The following SOCS7 variants were observed in gnomAD, a reference collection of about 807,000 sequenced individuals.
SOCS7 encodes the protein suppressor of cytokine signaling 7, also known as NAP-4.
A neutral mutation model predicts 58.9 loss-of-function variants in SOCS7; 18 were observed. The observed-to-expected ratio is 0.31, with a 90% CI of 0.21 to 0.45. The LOEUF (loss-of-function observed/expected upper bound fraction) is 0.45. Ranked by LOEUF, SOCS7 falls within the 20% of genes least tolerant of loss-of-function variation. The probability of loss-of-function intolerance (pLI) is 1.00; values close to 1 mark genes in which losing one functional copy is unlikely to be tolerated. For missense variants in SOCS7, 667 were observed against 837.3 expected (o/e 0.80, Z 2.51); for synonymous variants, 388 against 364.3 (o/e 1.06, Z -0.74).
At position 38,401,639 on chromosome 17, in the gene SOCS7, T is replaced by C. The variant is rs1174765595; in HGVS notation, c.*2157T>C. On this transcript the variant is annotated 3_prime_UTR_variant, in exon 10 of 10. Transcript: ENST00000612932. ...ATCAAGGACTATCTAAAGACGTTTA[T>C]AGTAGATAAGATCAGGGTAGACCAG... The C allele has an allele frequency of 6.6e-6, 1 of 152,094 alleles. No individual in the cohort carries two copies. The highest frequency in any genetic ancestry group is 1.5e-5 in the Non-Finnish European group (1 of 68,030). The allele number at this position is 152,094 out of a possible 1,614,324, so 9.4% of individuals were successfully genotyped here.
chr17:38,366,470 C>A, intron 5 of SOCS7, 53 bp downstream of exon 5: 1 of 1,597,844 alleles, frequency 6.3e-7, no homozygotes, highest in Middle Eastern at 1.7e-4. Flanking sequence ...TAGCTAAATT[C>A]TGTATTCGGA....
At position 38,352,319 on chromosome 17, in the gene SOCS7, A is replaced by C; in HGVS notation, c.267A>C (p.Glu89Asp). ...CGGCCCCGGAGCCGGGACCCTCGGA[A>C]CTGCTGTGTCCCCGGCACCGCTGTG... ...VEAAPEPGPS[E>D]LLCPRHRCAL... The change falls in exon 1 of 10, where the codon GAA becomes GAC. Residue 89 changes from glutamate (E) to aspartate (D), a missense_variant. Glu to Asp is a conservative substitution (Grantham distance 45, BLOSUM62 2). Coordinates refer to ENST00000612932, the MANE Select transcript of SOCS7 (RefSeq NM_014598.4). The surrounding 1 kb of genome is among the most constrained non-coding windows in gnomAD (Gnocchi z 5.5). The C allele has an allele frequency of 6.7e-7, 1 of 1,486,120 alleles. No individual in the cohort carries two copies. The highest frequency in any genetic ancestry group is 1.3e-5 in the South Asian group (1 of 77,942). 92.1% of individuals were successfully genotyped at this position (1,486,120 alleles called of 1,614,324 possible).
intron 2 of SOCS7, among the ~76,000 whole-genome samples, chr17:38,362,573 A>G (rs587619766): frequency 6.6e-6 from 1 of 152,216 alleles, no homozygotes; most frequent in Non-Finnish European, 1.5e-5. Context: ...ATGTCCCTCA[A>G]AAAGGTGATT....
intron 7 of SOCS7, among the ~76,000 whole-genome samples, chr17:38,385,726 G>A (rs1404612799): frequency 6.6e-6 from 1 of 151,972 alleles, no homozygotes; most frequent in Non-Finnish European, 1.5e-5. Flanking sequence ...TTAATCTGTG[G>A]CTTTTTCTTT....
intron 2 of SOCS7, among the ~76,000 whole-genome samples, chr17:38,364,322 A>C (rs2037758577): frequency 6.6e-6 from 1 of 152,208 alleles, no homozygotes; most frequent in South Asian, 2.1e-4. Context: ...TACAGTTCTT[A>C]GGTTTTCTGG....
At position 38,395,901 on chromosome 17, in the gene SOCS7, T is replaced by C; in HGVS notation, c.1871T>C (p.Val624Ala). The C allele has an allele frequency of 6.2e-7, 1 of 1,612,022 alleles. No individual in the cohort carries two copies. The highest frequency in any genetic ancestry group is 2.2e-5 in the East Asian group (1 of 44,852). Residue 624 changes from valine (V) to alanine (A), a missense_variant, in exon 9 of 10, where the codon GTA becomes GCA. Val to Ala is a moderately conservative substitution (Grantham distance 64). Around this residue, in one of 9 missense-constraint regions of SOCS7, gnomAD observed 40 missense variants for 45.6 expected, o/e 0.88. Transcript: ENST00000612932. ...TACTACTATGATCCTCAGGAAGAGGTATACCTGTCTCTAAAGGAAGCGCAG... is the reference window on the plus strand; with the variant it reads ...TACTACTATGATCCTCAGGAAGAGGCATACCTGTCTCTAAAGGAAGCGCAG... Reference protein sequence around the residue: ...KFYYYDPQEEVYLSLKEAQLI... With the variant: ...KFYYYDPQEEAYLSLKEAQLI...
chr17:38,384,982 C>T lies in SOCS7; in HGVS notation c.1681+7140C>T, dbSNP rs145928268. 3.6e-3 allele frequency among the ~76,000 whole-genome samples: 541 copies of T among 150,322 alleles called. 2 individuals are homozygous for T. Among genetic ancestry groups the T allele is most frequent in the African/African-American group, 0.013 (510 of 40,734 alleles). On this transcript the variant is annotated intron_variant, in intron 7 of 9. Transcript: ENST00000612932. Reference sequence around the variant, plus strand: ...CGCAATCTCAGCTCACTGCAACCTCCGCCTTCCGGTTTTGAGCAATTCTCC... The same window carrying T: ...CGCAATCTCAGCTCACTGCAACCTCTGCCTTCCGGTTTTGAGCAATTCTCC...
chr17:38,368,079 T>TC (rs1272753159), intron 6 of SOCS7, 29 bp downstream of exon 6: 19 of 1,556,052 alleles, frequency 1.2e-5, no homozygotes, highest in Non-Finnish European at 1.6e-5. Flanking sequence ...AGAGGCTTCT[T>TC]CCCCCCTTGA....
chr17:38,389,906 T>TATATATATATAC (rs1555571102), intron 7 of SOCS7, among the ~76,000 whole-genome samples: 8 of 103,480 alleles, frequency 7.7e-5, no homozygotes, highest in South Asian at 2.9e-4. Context: ...TATACACATA[T>TATATATATATAC]AGAGAGAGAG....
intron 9 of SOCS7, 112 bp downstream of exon 9, chr17:38,396,110 A>G: frequency 2.3e-6 from 2 of 858,968 alleles, no homozygotes; most frequent in Non-Finnish European, 3.4e-6. Flanking sequence ...GCCCCGATCC[A>G]GGCATTTGCC....
chr17:38,365,208 C>G (rs2037773293), intron 3 of SOCS7, 100 bp from the exon 4 acceptor site: 1 of 850,036 alleles, frequency 1.2e-6, no homozygotes, highest in Admixed American at 2.7e-5. Context: ...CCATCCTGCC[C>G]CAGAGGGCAG....
At position 38,361,525 on chromosome 17, in the gene SOCS7, A is replaced by G. The variant is rs56010105; in HGVS notation, c.981-186A>G. Among the ~76,000 whole-genome samples the G allele has an allele frequency of 1.4e-3, 215 of 152,334 alleles. 1 individual carries two copies. The highest frequency in any genetic ancestry group is 1.7e-3 in the Non-Finnish European group (113 of 68,034). ...GTTGGTGAATTCTGTAGCCAAATCT[A>G]TTTAAGGAATTGCCTTAATTATTTC... On this transcript the variant is annotated intron_variant, in intron 1 of 9. Transcript: ENST00000612932.
chr17:38,394,296 G>T (rs1264836791), intron 7 of SOCS7, among the ~76,000 whole-genome samples: 1 of 152,198 alleles, frequency 6.6e-6, no homozygotes, highest in Non-Finnish European at 1.5e-5. Context: ...GCTTGCCCAA[G>T]CGATTGTAGT....
In SOCS7 at chr17:38,361,752, TCTC is replaced by T. The variant is rs1555567618; in HGVS notation, c.1025_1027del (p.Ser342del). On this transcript the variant is annotated inframe_deletion, in exon 2 of 10. Transcript: ENST00000612932. ...AGAACTCAAAGTGCCTTTTCTCCGG[TCTC>T]CTTCAGCCCCCTGTTCACAGGTAAG... is the stretch of plus-strand genomic sequence containing the variant. The T allele has an allele frequency of 6.2e-7, 1 of 1,613,358 alleles. No individual in the cohort carries two copies. The highest frequency in any genetic ancestry group is 1.1e-5 in the South Asian group (1 of 91,022).
intron 7 of SOCS7, among the ~76,000 whole-genome samples, chr17:38,379,503 A>G (rs2037974966): frequency 6.6e-6 from 1 of 152,108 alleles, no homozygotes; most frequent in South Asian, 2.1e-4. Context: ...CAAAAAAGAA[A>G]CAACTTAAAA....
intron 7 of SOCS7, among the ~76,000 whole-genome samples, chr17:38,389,881 A>ATATG (rs2038139599): frequency 4.1e-4 from 43 of 103,624 alleles, no homozygotes; most frequent in Non-Finnish European, 5.5e-4. Context: ...ATATATATAT[A>ATATG]TGTACATATA....
rs1555568644 is a variant in SOCS7, at chr17:38,367,998, C to T, written c.1500C>T (p.Leu500=). Residue 500 remains leucine, a synonymous_variant, in exon 6 of 10, where the codon CTC becomes CTT. Transcript: ENST00000612932. ...DSSDPRYILS[L]SFRSQGITHH... is the part of the protein sequence containing the mutation. ...CTGATCCTCGTTACATCCTGAGCCT[C>T]AGTTTCCGATCACAGGGTATCACCC... is the stretch of plus-strand genomic sequence containing the variant. 1.9e-6 allele frequency: 3 copies of T among 1,614,034 alleles called. No individual in the cohort carries two copies.
At chr17:38,386,141 A>G (rs2038064920) in intron 7 of SOCS7, among the ~76,000 whole-genome samples, 1 of 151,846 alleles carries the variant, frequency 6.6e-6, no homozygotes, top group Non-Finnish European at 1.5e-5. Flanking sequence ...CCTGACCAAC[A>G]TGGGGAAACC....
Position 38,370,498 on chromosome 17 carries a change from A to G in SOCS7, c.1552+2448A>G, listed in dbSNP as rs189108498. Among the ~76,000 whole-genome samples, 676 of 151,814 alleles carry G rather than the reference A, an allele frequency of 4.5e-3. 6 individuals carry two copies. Among genetic ancestry groups the G allele is most frequent in the African/African-American group, 0.016 (653 of 41,342 alleles). Reference sequence around the variant, plus strand: ...GGGACTAGTGTGCATCACCATGCCCAGCTAATTTAAAAAAATTTTTTTAGT... The same window carrying G: ...GGGACTAGTGTGCATCACCATGCCCGGCTAATTTAAAAAAATTTTTTTAGT... On this transcript the variant is annotated intron_variant, in intron 6 of 9. Transcript: ENST00000612932.
Sources: gnomAD v4.1 joint callset for allele counts (sites outside exome capture counted in the v4.1 genomes callset) on GRCh38, gnomAD v4.1.1 for gene constraint, gnomAD v4.1.1 regional missense constraint, Gnocchi (gnomAD v3.1) non-coding constraint, MANE v1.5 for transcripts, NCBI Gene and HGNC (gene_info 2026-07-23, HGNC 2026-07-21) for gene names.